The following TRAPPC8 variants were observed in gnomAD, a reference collection of about 807,000 sequenced individuals.
The protein encoded by TRAPPC8 is general sporulation gene 1 homolog.
Under a neutral mutation model 174.3 loss-of-function variants are expected in TRAPPC8, and 54 were observed. The observed-to-expected ratio is 0.31, with a 90% CI of 0.25 to 0.39. TRAPPC8 has a LOEUF of 0.39. TRAPPC8 is among the 10% of genes least tolerant of loss of function. TRAPPC8 has a pLI of 1.00. For missense variants in TRAPPC8, 1,531 were observed against 1,699.1 expected (o/e 0.90, Z 1.74); for synonymous variants, 630 against 579.9 (o/e 1.09, Z -1.24).
rs71175801 is a variant in TRAPPC8, at chr18:31,876,489, C to CAAAAAAAAAAAAAAAAAAA, written c.1729-1804_1729-1786dup. Among the ~76,000 whole-genome samples, 133 of 48,698 alleles carry CAAAAAAAAAAAAAAAAAAA rather than the reference C, an allele frequency of 2.7e-3. 16 individuals are homozygous for CAAAAAAAAAAAAAAAAAAA. Among genetic ancestry groups the CAAAAAAAAAAAAAAAAAAA allele is most frequent in the African/African-American group, 4.2e-3 (45 of 10,622 alleles). 31.9% of individuals were successfully genotyped at this position (48,698 alleles called of 152,430 possible). ...TGGGCTACACTGCGAGACTCCATCTCAAAAAAAAAAAAAAAAAAAAAAAGA... is the reference window on the plus strand; with the variant it reads ...TGGGCTACACTGCGAGACTCCATCTCAAAAAAAAAAAAAAAAAAAAAAAAAAAAAAAAAAAAAAAAAAGA... On this transcript the variant is annotated intron_variant, in intron 12 of 28. Coordinates refer to ENST00000283351, the MANE Select transcript of TRAPPC8 (RefSeq NM_014939.5).
chr18:31,877,060 C>T (rs2035190404), intron 12 of TRAPPC8, among the ~76,000 whole-genome samples: 2 of 152,190 alleles, frequency 1.3e-5, no homozygotes, highest in Admixed American at 1.3e-4. Flanking sequence ...GAGATGTAAC[C>T]GTTAATTTAG....
chr18:31,910,546 C>G (rs946938763), intron 5 of TRAPPC8, among the ~76,000 whole-genome samples: 1 of 152,132 alleles, frequency 6.6e-6, no homozygotes. Flanking sequence ...TAGTCACTCC[C>G]AAAGGATCAA....
intron 25 of TRAPPC8, among the ~76,000 whole-genome samples, chr18:31,848,509 G>C (rs1267170845): frequency 6.6e-6 from 1 of 152,132 alleles, no homozygotes; most frequent in Non-Finnish European, 1.5e-5. Context: ...ATGTATAACT[G>C]ATCTTCTTAA....
intron 17 of TRAPPC8, 40 bp downstream of exon 17, chr18:31,867,362 T>G: frequency 7.2e-7 from 1 of 1,389,186 alleles, no homozygotes; most frequent in Middle Eastern, 1.8e-4. Context: ...TCACCTTACT[T>G]TCAGAAAGGC....
At position 31,942,981 on chromosome 18, in the gene TRAPPC8, G is replaced by A. The variant is rs2038418427; in HGVS notation, c.-217C>T. ...CCCTTCCCGTCACCGCCGCTTCTCA[G>A]CGCTCGTCCCCGCGTGCTCGCATTC... On this transcript the variant is annotated 5_prime_UTR_variant, in exon 1 of 29. Transcript: ENST00000283351. 1.0e-6 allele frequency: 1 copy of A among 996,434 alleles called. No homozygotes were observed. The highest frequency in any genetic ancestry group is 1.3e-6 in the Non-Finnish European group (1 of 771,002). 61.7% of individuals were successfully genotyped at this position (996,434 alleles called of 1,614,324 possible). A position where few individuals can be genotyped will look rare whatever the true frequency, so the allele number is the denominator to read the frequency against.
intron 19 of TRAPPC8, among the ~76,000 whole-genome samples, chr18:31,859,491 G>T (rs2034211465): frequency 6.6e-6 from 1 of 152,106 alleles, no homozygotes; most frequent in South Asian, 2.1e-4. Flanking sequence ...ACTTGTGGAG[G>T]AATTATTAAT....
intron 4 of TRAPPC8, among the ~76,000 whole-genome samples, chr18:31,915,102 T>C (rs1265991638): frequency 1.3e-5 from 2 of 152,180 alleles, no homozygotes; most frequent in African/African-American, 2.4e-5. Flanking sequence ...TCTACAGTTG[T>C]GAAATGACAA....
intron 13 of TRAPPC8, chr18:31,873,852 A>C: frequency 4.5e-6 from 1 of 222,252 alleles, no homozygotes; most frequent in South Asian, 7.6e-5. Flanking sequence ...CAAAATTCTA[A>C]CCCATATAAT....
chr18:31,931,122 T>C (rs1040389910), intron 2 of TRAPPC8, among the ~76,000 whole-genome samples: 8 of 152,214 alleles, frequency 5.3e-5, no homozygotes, highest in African/African-American at 1.9e-4. Flanking sequence ...TCAACAAATA[T>C]TTATTATGCA....
rs10646414 is a variant in TRAPPC8, at chr18:31,935,364, C to CAAAA, written c.158-3845_158-3842dup. Among the ~76,000 whole-genome samples the CAAAA allele has an allele frequency of 7.4e-5, 8 of 108,194 alleles. 1 individual carries two copies. The highest frequency in any genetic ancestry group is 1.2e-4 in the Non-Finnish European group (7 of 57,538). 71.0% of individuals were successfully genotyped at this position (108,194 alleles called of 152,430 possible). On this transcript the variant is annotated intron_variant, in intron 1 of 28. Coordinates refer to ENST00000283351, the MANE Select transcript of TRAPPC8 (RefSeq NM_014939.5). ...CTCAAAAACAAACAAACAAACAAAC[C>CAAAA]AAAAAAAAAACAGGCTTTATAAATA...
intron 4 of TRAPPC8, among the ~76,000 whole-genome samples, chr18:31,916,056 C>CAA (rs34732342): frequency 8.0e-5 from 7 of 87,906 alleles, no homozygotes; most frequent in African/African-American, 1.7e-4. Flanking sequence ...GACCTCGTCT[C>CAA]AAAAAAAAAA....
chr18:31,891,325 AC>A (rs1337010724), intron 11 of TRAPPC8: 2 of 152,212 alleles, frequency 1.3e-5, no homozygotes, highest in Non-Finnish European at 2.9e-5. Flanking sequence ...ATTCTAATCT[AC>A]TATTTCATTC....
At position 31,916,553 on chromosome 18, in the gene TRAPPC8, G is replaced by A. The variant is rs2037155107; in HGVS notation, c.443-107C>T. ...TGTTTGTTTGTTTGTTTGTTTCTGA[G>A]ACAAAGTCTCACTCTGTAGCCCAGG... On this transcript the variant is annotated intron_variant, in intron 3 of 28. Coordinates refer to ENST00000283351, the MANE Select transcript of TRAPPC8 (RefSeq NM_014939.5). 3 of 1,192,510 alleles carry A rather than the reference G, an allele frequency of 2.5e-6. No individual in the cohort carries two copies. The Admixed American group carries it at 8.7e-5, about 35-fold the overall frequency. The allele number at this position is 1,192,510 out of a possible 1,614,324, so 73.9% of individuals were successfully genotyped here.
At chr18:31,855,957 A>C in intron 20 of TRAPPC8, 150 bp from the exon 21 acceptor site, 3 of 881,328 alleles carry the variant, frequency 3.4e-6, no homozygotes, top group Non-Finnish European at 4.9e-6. Flanking sequence ...AAAATTACAT[A>C]GTTAGCCTAA....
intron 12 of TRAPPC8, among the ~76,000 whole-genome samples, chr18:31,876,501 A>AAAAAAAAAAAAAAAAAAAAAAAT (rs1244073459): frequency 6.7e-6 from 1 of 149,738 alleles, no homozygotes; most frequent in African/African-American, 2.5e-5. Context: ...AAAAAAAAAA[A>AAAAAAAAAAAAAAAAAAAAAAAT]AAAAAAAAAA....
rs1453696317 is a variant in TRAPPC8 at position 31,922,231 on chromosome 18, TACATACACATACAG to T, written c.353-4578_353-4565del. 2.0e-5 allele frequency among the ~76,000 whole-genome samples: 3 copies of T among 152,178 alleles called. No individual in the cohort carries two copies. In the East Asian group the frequency reaches 5.8e-4, roughly 29 times the overall value. ...ATTAAAAATAAATTAAAAAGCAAAA[TACATACACATACAG>T]ACATACACAGACATACTCTTAAATT... On this transcript the variant is annotated intron_variant, in intron 2 of 28. Coordinates refer to ENST00000283351, the MANE Select transcript of TRAPPC8 (RefSeq NM_014939.5).
chr18:31,915,826 G>T (rs1470715486), intron 4 of TRAPPC8, among the ~76,000 whole-genome samples: 2 of 150,924 alleles, frequency 1.3e-5, no homozygotes, highest in African/African-American at 4.9e-5. Context: ...AGCGGAGCTT[G>T]CAGTGAGCTG....
At chr18:31,853,102 T>C (rs1393126007) in intron 22 of TRAPPC8, among the ~76,000 whole-genome samples, 1 of 152,226 alleles carries the variant, frequency 6.6e-6, no homozygotes, top group East Asian at 1.9e-4. Context: ...CTTTAAGTAA[T>C]TTCTGGTACA....
intron 12 of TRAPPC8, among the ~76,000 whole-genome samples, chr18:31,878,791 G>A (rs1235059412): frequency 2.6e-5 from 4 of 151,820 alleles, no homozygotes; most frequent in African/African-American, 7.3e-5. Flanking sequence ...GATCAATCAC[G>A]CAAATGGAAA....
Sources: gnomAD v4.1 joint callset for allele counts (sites outside exome capture counted in the v4.1 genomes callset) on GRCh38, gnomAD v4.1.1 for gene constraint, MANE v1.5 for transcripts, NCBI Gene and HGNC (gene_info 2026-07-23, HGNC 2026-07-21) for gene names.